Variants in PPP2R5C observed in about 807,000 individuals in gnomAD.
PPP2R5C encodes the protein protein phosphatase 2 regulatory subunit B'gamma, also known as serine/threonine-protein phosphatase 2A 56 kDa regulatory subunit gamma isoform.
PPP2R5C carries 7 observed loss-of-function variants against 68.9 expected under a neutral mutation model. The ratio of observed to expected loss-of-function variants is 0.10; its 90% CI spans 0.06 to 0.19. The LOEUF (loss-of-function observed/expected upper bound fraction) is 0.19, where lower values mean the gene tolerates loss of function less well. Ranked by LOEUF, PPP2R5C falls within the 10% of genes least tolerant of loss-of-function variation. The pLI is 1.00. For missense variants in PPP2R5C, 348 were observed against 641.3 expected, an observed-to-expected ratio of 0.54 and a Z score of 4.94; for synonymous variants, 210 against 222.2, an observed-to-expected ratio of 0.95 and a Z score of 0.49.
At chr14:101,841,211 G>A (rs1246060523) in intron 1 of PPP2R5C, among the ~76,000 whole-genome samples, 2 of 152,128 alleles carry the variant, frequency 1.3e-5, no homozygotes, top group Non-Finnish European at 2.9e-5. Context: ...TGGGCTTTCT[G>A]CCTGAGTTCT....
rs1401875714 is a variant in PPP2R5C, at chr14:101,835,642, C to A, written c.95-21044C>A. On this transcript the variant is annotated intron_variant, in intron 1 of 13. Transcript: ENST00000334743. The surrounding 1 kb of genome is among the most constrained non-coding windows in gnomAD (Gnocchi z 5.0). ...AGAAGTAATATTCTTGTTAAGGCAT[C>A]TGAGGTCTCCCGGGGGACAGACACA... 6.6e-6 allele frequency among the ~76,000 whole-genome samples: 1 copy of A among 152,248 alleles called. No homozygotes were observed. The highest frequency in any genetic ancestry group is 1.5e-5 in the Non-Finnish European group (1 of 68,034).
intron 2 of PPP2R5C, among the ~76,000 whole-genome samples, chr14:101,858,812 G>A (rs1403869633): frequency 9.2e-5 from 14 of 152,260 alleles, no homozygotes; most frequent in East Asian, 5.8e-4. Context: ...CAAGACTCCC[G>A]CTGGCCTGGT....
intron 13 of PPP2R5C, among the ~76,000 whole-genome samples, chr14:101,919,822 A>T (rs1489149118): frequency 1.3e-5 from 2 of 152,188 alleles, no homozygotes; most frequent in Non-Finnish European, 2.9e-5. Context: ...TACAAAAATT[A>T]GCCAGGCTTG....
At chr14:101,923,225 G>A (rs965446008) in intron 13 of PPP2R5C, among the ~76,000 whole-genome samples, 1 of 152,174 alleles carries the variant, frequency 6.6e-6, no homozygotes, top group Non-Finnish European at 1.5e-5. Flanking sequence ...AAATGTCTAA[G>A]CAGAAAGGCC....
chr14:101,906,513 A>G lies in PPP2R5C; in HGVS notation c.1135A>G (p.Lys379Glu). 6.2e-7 allele frequency: 1 copy of G among 1,611,104 alleles called. No homozygotes were observed. Among genetic ancestry groups the G allele is most frequent in the Non-Finnish European group, 8.5e-7 (1 of 1,179,180 alleles). ...GTTTCCTTCCTTGTACCGCAACTCA[A>G]AGACCCATTGGAACAAGTAAGAAAG... is the stretch of plus-strand genomic sequence containing the variant. Residue 379 changes from lysine (K) to glutamate (E), a missense_variant, in exon 10 of 14, where the codon AAG (lysine) becomes GAG (glutamate). This residue lies in a region of PPP2R5C where 101 missense variants were observed against 209.8 expected (regional missense o/e 0.48). Coordinates refer to ENST00000334743, the Ensembl canonical transcript of PPP2R5C. The surrounding 1 kb of genome is among the most constrained non-coding windows in gnomAD (Gnocchi z 4.0).
intron 4 of PPP2R5C, 30 bp downstream of exon 6, chr14:101,883,379 A>G: frequency 6.2e-7 from 1 of 1,609,292 alleles, no homozygotes; most frequent in East Asian, 2.2e-5. Flanking sequence ...ACACTCTGAA[A>G]GCCCTGATGG....
At chr14:101,763,246 G>A (rs758398741) in intron 2 of PPP2R5C, among the ~76,000 whole-genome samples, 1 of 151,934 alleles carries the variant, frequency 6.6e-6, no homozygotes, top group Non-Finnish European at 1.5e-5. Context: ...TTGAGACGGG[G>A]TCTCACTTTG....
intron 2 of PPP2R5C, among the ~76,000 whole-genome samples, chr14:101,777,380 C>T (rs1158398003): frequency 2.7e-5 from 4 of 150,842 alleles, no homozygotes; most frequent in East Asian, 2.0e-4. Context: ...GACAGAGTCT[C>T]GCTCTGTTGC....
intron 1 of PPP2R5C, among the ~76,000 whole-genome samples, chr14:101,829,745 C>T (rs1023340054): frequency 2.0e-5 from 3 of 152,116 alleles, no homozygotes; most frequent in Admixed American, 6.5e-5. Flanking sequence ...GTGAGGTGCC[C>T]GCAATCAGAC....
chr14:101,786,408 A>G (rs935338818), intron 3 of PPP2R5C, among the ~76,000 whole-genome samples: 1 of 152,070 alleles, frequency 6.6e-6, no homozygotes, highest in African/African-American at 2.4e-5. Context: ...ACAACACAGT[A>G]TAGGCATAAT....
At chr14:101,914,331 A>T (rs1361139746) in intron 12 of PPP2R5C, 1 of 357,130 alleles carries the variant, frequency 2.8e-6, no homozygotes, top group Non-Finnish European at 5.5e-6. Context: ...CCTAAACAGA[A>T]AATACTTCAT....
chr14:101,925,410 C>A, exon 14 of PPP2R5C: 1 of 1,368,700 alleles, frequency 7.3e-7, no homozygotes, highest in Non-Finnish European at 9.6e-7. Context: ...AACGTGCGTC[C>A]GCCTCAGCGC....
At chr14:101,770,851 G>C (rs2037108397) in intron 2 of PPP2R5C, among the ~76,000 whole-genome samples, 1 of 152,252 alleles carries the variant, frequency 6.6e-6, no homozygotes, top group Non-Finnish European at 1.5e-5. Flanking sequence ...GAGTGAGTCA[G>C]TCTGCCACCA....
At chr14:101,895,236 C>T (rs2045237981) in intron 8 of PPP2R5C, among the ~76,000 whole-genome samples, 1 of 152,188 alleles carries the variant, frequency 6.6e-6, no homozygotes, top group South Asian at 2.1e-4. Context: ...ATATAATTCA[C>T]ATACCACACA....
rs118043341 is a variant in PPP2R5C, at chr14:101,773,753, G to C, written c.93+10783G>C. Among the ~76,000 whole-genome samples the C allele has an allele frequency of 2.4e-3, 367 of 152,248 alleles. 3 individuals carry two copies. The highest frequency in any genetic ancestry group is 0.019 in the Admixed American group (291 of 15,290). On this transcript the variant is annotated intron_variant, in intron 2 of 14. Transcript: ENST00000328724. ...TCTGTTGCCCAGGCTGGAGTGCAGT[G>C]GTGCAGTCCTAGCTCACTGCAGCCT...
intron 2 of PPP2R5C, among the ~76,000 whole-genome samples, chr14:101,783,950 G>A (rs1482161015): frequency 6.6e-6 from 1 of 152,222 alleles, no homozygotes; most frequent in Non-Finnish European, 1.5e-5. Context: ...GTCTAACTGG[G>A]GGATTCTGTG....
intron 10 of PPP2R5C, among the ~76,000 whole-genome samples, chr14:101,909,297 C>G (rs781321606): frequency 2.0e-5 from 3 of 152,096 alleles, no homozygotes; most frequent in Non-Finnish European, 4.4e-5. Context: ...TATATTTGTT[C>G]AAGTTTCAAT....
chr14:101,876,103 A>G (rs1254796023), intron 2 of PPP2R5C, among the ~76,000 whole-genome samples: 1 of 152,152 alleles, frequency 6.6e-6, no homozygotes, highest in African/African-American at 2.4e-5. Context: ...TCTGTTTTCC[A>G]GCTATATCAT....
intron 3 of PPP2R5C, among the ~76,000 whole-genome samples, chr14:101,791,802 G>A (rs558246051): frequency 7.6e-4 from 115 of 152,144 alleles, no homozygotes; most frequent in African/African-American, 2.3e-3. Flanking sequence ...TATAGTAAAC[G>A]CAGCTGTTTT....
Sources: gnomAD v4.1 joint callset for allele counts (sites outside exome capture counted in the v4.1 genomes callset) on GRCh38, gnomAD v4.1.1 for gene constraint, gnomAD v4.1.1 regional missense constraint, Gnocchi (gnomAD v3.1) non-coding constraint, MANE v1.5 for transcripts, NCBI Gene and HGNC (gene_info 2026-07-23, HGNC 2026-07-21) for gene names.